COQ6: variants seen among roughly 807,000 people sequenced by gnomAD.
COQ6 encodes coenzyme Q6, monooxygenase, also known as ubiquinone biosynthesis monooxygenase COQ6, mitochondrial.
Under a neutral mutation model 55.5 loss-of-function variants are expected in COQ6, and 45 were observed. That is an observed-to-expected ratio of 0.81 (90% CI 0.64 to 1.04). The LOEUF (loss-of-function observed/expected upper bound fraction) is 1.04, where lower values mean the gene tolerates loss of function less well. Ranked by LOEUF, COQ6 falls within the 50% of genes least tolerant of loss-of-function variation. The pLI, the probability that COQ6 is intolerant of heterozygous loss-of-function variation, is 0.00. For missense variants in COQ6, 550 were observed against 601.3 expected (o/e 0.91, Z 0.89); for synonymous variants, 206 against 230.5 (o/e 0.89, Z 0.96).
rs542610446 is a variant in COQ6 at position 73,956,136 on chromosome 14, A to G, written c.481+208A>G. ...TCAGGAGATGGAGACCATCCTGGCTAACATGGTGAAACCCTGTCTCTACTA... is the reference window on the plus strand; with the variant it reads ...TCAGGAGATGGAGACCATCCTGGCTGACATGGTGAAACCCTGTCTCTACTA... On this transcript the variant is annotated intron_variant, in intron 4 of 11. Coordinates refer to ENST00000334571, the MANE Select transcript of COQ6 (RefSeq NM_182476.3). The G allele has an allele frequency of 1.4e-4, 73 of 533,060 alleles. 2 individuals carry two copies. The highest frequency in any genetic ancestry group is 1.2e-3 in the South Asian group (70 of 56,152). The allele number at this position is 533,060 out of a possible 1,614,324, so 33.0% of individuals were successfully genotyped here.
rs2056723360 is a variant in COQ6 at position 73,961,357 on chromosome 14, C to T, written c.1076C>T (p.Pro359Leu). ...GGACATGCTGCTGAGTACGTCAGGC[C>T]TCGGGTGGCGCTCATTGGGTAAGAC... ...GLGHAAEYVRPRVALIGDAAH... is the reference protein window; with the variant it reads ...GLGHAAEYVRLRVALIGDAAH... The change falls in exon 9 of 12, where the codon CCT (proline) becomes CTT (leucine). Residue 359 changes from proline to leucine, a missense_variant. Pro to Leu is a moderately conservative substitution (Grantham distance 98). Transcript: ENST00000334571. 3 of 1,614,208 alleles carry T rather than the reference C, an allele frequency of 1.9e-6. No homozygotes were observed. Among genetic ancestry groups the T allele is most frequent in the Non-Finnish European group, 2.5e-6 (3 of 1,180,042 alleles).
At position 73,963,149 on chromosome 14, in the gene COQ6, C is replaced by T; in HGVS notation, c.*150C>T. On this transcript the variant is annotated 3_prime_UTR_variant, in exon 12 of 12. Coordinates refer to ENST00000334571, the MANE Select transcript of COQ6 (RefSeq NM_182476.3). ...TTCTTTGCTTAATGGGCCTGTGGCACCCAAATAATGAATGATAATTTGCTG... is the reference window on the plus strand; with the variant it reads ...TTCTTTGCTTAATGGGCCTGTGGCATCCAAATAATGAATGATAATTTGCTG... The T allele has an allele frequency of 1.4e-6, 1 of 738,542 alleles. No homozygotes were observed. Among genetic ancestry groups the T allele is most frequent in the South Asian group, 1.6e-5 (1 of 64,250 alleles). The allele number at this position is 738,542 out of a possible 1,614,324, so 45.7% of individuals were successfully genotyped here.
chr14:73,958,575 T>C (rs1647783114), intron 5 of COQ6: 1 of 1,294,502 alleles, frequency 7.7e-7, no homozygotes, highest in Admixed American at 3.3e-5. Flanking sequence ...TCTGTGGTCA[T>C]TGATCTCTTG....
rs1406047798 is a variant in COQ6 at position 73,959,400 on chromosome 14, GTTC to G, written c.784-12_784-10del. ...CAGAGTCTTAGCCGTTGGTATTGGT[GTTC>G]TTTTGACACAGCTCTCAGACACCTT... On this transcript the variant is annotated splice_polypyrimidine_tract_variant and intron_variant, in intron 7 of 11. Transcript: ENST00000334571. The G allele has an allele frequency of 6.2e-7, 1 of 1,614,186 alleles. No homozygotes were observed. The highest frequency in any genetic ancestry group is 1.1e-5 in the South Asian group (1 of 91,076).
In COQ6 at chr14:73,953,498, T is replaced by G; in HGVS notation, c.227T>G (p.Leu76Arg). 5 of 1,614,192 alleles carry G rather than the reference T, an allele frequency of 3.1e-6. No homozygotes were observed. The highest frequency in any genetic ancestry group is 4.2e-6 in the Non-Finnish European group (5 of 1,180,016). ...CTCGAAGCAGGTCCAAAGAAAGTACTGGAGAAATTGTCAGAAACTTACAGC... is the reference window on the plus strand; with the variant it reads ...CTCGAAGCAGGTCCAAAGAAAGTACGGGAGAAATTGTCAGAAACTTACAGC... Reference protein sequence around the residue: ...LLLEAGPKKVLEKLSETYSNR... With the variant: ...LLLEAGPKKVREKLSETYSNR... The change falls in exon 2 of 12, where the codon CTG (leucine) becomes CGG (arginine). Residue 76 changes from leucine (L) to arginine (R), a missense_variant. Coordinates refer to ENST00000334571, the MANE Select transcript of COQ6 (RefSeq NM_182476.3).
At chr14:73,962,876 C>T (rs542919580) in intron 11 of COQ6, 94 bp from the exon 12 acceptor site, 173 of 1,077,872 alleles carry the variant, frequency 1.6e-4, no homozygotes, top group Non-Finnish European at 2.1e-4. Context: ...AACAAGGACA[C>T]TTGGGAAGAA....
chr14:73,950,813 C>T (rs1433903156), intron 1 of COQ6, among the ~76,000 whole-genome samples: 1 of 152,208 alleles, frequency 6.6e-6, no homozygotes, highest in African/African-American at 2.4e-5. Context: ...TGTTTATAGA[C>T]ATTCTAGTGG....
Position 73,959,579 on chromosome 14 carries a change from T to G in COQ6, c.891+57T>G, listed in dbSNP as rs750972131. ...CTGCAGGGGGAGATACAGAAAGGTG[T>G]TGTTTTTTTTTTTTTGAAACGGATC... On this transcript the variant is annotated intron_variant, in intron 8 of 11. Transcript: ENST00000334571. The G allele has an allele frequency of 2.3e-5, 37 of 1,612,782 alleles. No individual in the cohort carries two copies. The South Asian group carries it at 2.3e-4, about 10-fold the overall frequency.
Position 73,950,327 on chromosome 14 carries a change from T to C in COQ6, c.-6T>C. The C allele has an allele frequency of 6.5e-7, 1 of 1,550,006 alleles. No individual in the cohort carries two copies. Among genetic ancestry groups the C allele is most frequent in the Non-Finnish European group, 8.7e-7 (1 of 1,150,440 alleles). ...AGTTCTGAGTGCGACGGCGCAGGTCTGCACCATGGCGGCCCGGCTTGTCAG... is the reference window on the plus strand; with the variant it reads ...AGTTCTGAGTGCGACGGCGCAGGTCCGCACCATGGCGGCCCGGCTTGTCAG... On this transcript the variant is annotated 5_prime_UTR_variant, in exon 1 of 12. Coordinates refer to ENST00000334571, the MANE Select transcript of COQ6 (RefSeq NM_182476.3).
At chr14:73,960,792 T>A in intron 8 of COQ6, 1 of 371,708 alleles carries the variant, frequency 2.7e-6, no homozygotes, top group Non-Finnish European at 5.0e-6. Flanking sequence ...AGAGGCGACG[T>A]CTTCTGGATG....
At chr14:73,954,882 T>C (rs1868844679) in intron 2 of COQ6, among the ~76,000 whole-genome samples, 1 of 150,048 alleles carries the variant, frequency 6.7e-6, no homozygotes, top group South Asian at 2.1e-4. Context: ...TTGGTTTTCG[T>C]TTTTAATTTC....
At chr14:73,951,066 G>A (rs1409879772) in intron 1 of COQ6, among the ~76,000 whole-genome samples, 4 of 152,118 alleles carry the variant, frequency 2.6e-5, no homozygotes, top group African/African-American at 4.8e-5. Flanking sequence ...GCACGATCAC[G>A]GCTCACTGTA....
intron 5 of COQ6, chr14:73,958,592 A>G: frequency 2.3e-6 from 3 of 1,288,642 alleles, no homozygotes; most frequent in Non-Finnish European, 3.0e-6. Flanking sequence ...CTTGCCTCTC[A>G]TTTTTCTCCT....
chr14:73,951,807 T>C (rs554198216), intron 1 of COQ6, among the ~76,000 whole-genome samples: 4 of 151,496 alleles, frequency 2.6e-5, no homozygotes, highest in East Asian at 3.9e-4. Flanking sequence ...TCTCACAAGA[T>C]ACACAAAATT....
chr14:73,955,592 G>A lies in COQ6; in HGVS notation c.357+83G>A, dbSNP rs771702385. 5.0e-6 allele frequency: 7 copies of A among 1,411,340 alleles called. No homozygotes were observed. In the African/African-American group the frequency reaches 7.1e-5, roughly 14 times the overall value. 87.4% of individuals were successfully genotyped at this position (1,411,340 alleles called of 1,614,324 possible). Reference sequence around the variant, plus strand: ...AGTCCACTTTCTCCAAGTGTTCTGTGAATGTAGGAGGAATCAGACAAGGTT... The same window carrying A: ...AGTCCACTTTCTCCAAGTGTTCTGTAAATGTAGGAGGAATCAGACAAGGTT... On this transcript the variant is annotated intron_variant, in intron 3 of 11. Transcript: ENST00000334571.
rs1408089341 is a variant in COQ6, at chr14:73,961,435, G to A, written c.1095-20G>A. 1 of 1,614,164 alleles carries A rather than the reference G, an allele frequency of 6.2e-7. No homozygotes were observed. The highest frequency in any genetic ancestry group is 1.7e-5 in the Admixed American group (1 of 60,024). On this transcript the variant is annotated intron_variant, in intron 9 of 11. Transcript: ENST00000334571. ...CACTTTGCTGCCAGAGGTCACACCTGAACTCTGCTTTATTCTTAGGGATGC... is the reference window on the plus strand; with the variant it reads ...CACTTTGCTGCCAGAGGTCACACCTAAACTCTGCTTTATTCTTAGGGATGC...
chr14:73,960,868 A>G (rs1186312641), intron 8 of COQ6: 3 of 464,446 alleles, frequency 6.5e-6, no homozygotes, highest in Non-Finnish European at 1.2e-5. Context: ...ATGGAGGTAG[A>G]AGGATACTGT....
intron 8 of COQ6, chr14:73,960,036 G>C: frequency 9.9e-7 from 1 of 1,009,408 alleles, no homozygotes; most frequent in Non-Finnish European, 1.2e-6. Context: ...CTGCTGTTAG[G>C]CTGACTGAAA....
chr14:73,955,164 A>G (rs1005042400), intron 2 of COQ6, among the ~76,000 whole-genome samples: 1 of 151,870 alleles, frequency 6.6e-6, no homozygotes, highest in African/African-American at 2.4e-5. Flanking sequence ...GGTGTTAGCC[A>G]GGATGGTCTC....
Sources: gnomAD v4.1 joint callset for allele counts (sites outside exome capture counted in the v4.1 genomes callset) on GRCh38, gnomAD v4.1.1 for gene constraint, MANE v1.5 for transcripts, NCBI Gene and HGNC (gene_info 2026-07-23, HGNC 2026-07-21) for gene names.